The following EPHA8 variants were observed in gnomAD, a reference collection of about 807,000 sequenced individuals.
The protein encoded by EPHA8 is ephrin type-A receptor 8.
Under a neutral mutation model 103.6 loss-of-function variants are expected in EPHA8, and 58 were observed. That is an observed-to-expected ratio of 0.56 (90% CI 0.45 to 0.70). EPHA8 has a LOEUF of 0.70. Ranked by LOEUF, EPHA8 falls within the 30% of genes least tolerant of loss-of-function variation. EPHA8 has a pLI of 0.00. For synonymous variants in EPHA8, 559 were observed against 572.5 expected (o/e 0.98, Z 0.34); for missense variants, 1,304 against 1,395.2 (o/e 0.93, Z 1.04).
At position 22,597,854 on chromosome 1, in the gene EPHA8, C is replaced by T; in HGVS notation, c.2109C>T (p.Val703=). The T allele has an allele frequency of 1.2e-6, 2 of 1,608,684 alleles. No homozygotes were observed. The highest frequency in any genetic ancestry group is 1.7e-6 in the Non-Finnish European group (2 of 1,177,398). ...ACATCATCCGCCTCGAGGGTGTCGT[C>T]ACCCGTGGTAGGTGCCGGGCAAAGA... ...HPNIIRLEGV[V]TRGRLAMIVT... is the part of the protein sequence containing the mutation. Residue 703 remains valine, a synonymous_variant, in exon 11 of 17, where the codon GTC becomes GTT. Coordinates refer to ENST00000166244, the MANE Select transcript of EPHA8 (RefSeq NM_020526.5). This position sits in a 1 kb window ranked among gnomAD's most constrained non-coding sequence, Gnocchi z 4.6.
chr1:22,600,747 C>G lies in EPHA8; in HGVS notation c.2475C>G (p.Gly825=), dbSNP rs111394307. 1.2e-6 allele frequency: 2 copies of G among 1,613,092 alleles called. No homozygotes were observed. The highest frequency in any genetic ancestry group is 3.3e-5 in the Admixed American group (2 of 59,948). The change falls in exon 14 of 17, where the codon GGC becomes GGG. Residue 825 remains glycine, a synonymous_variant. Coordinates refer to ENST00000166244, the MANE Select transcript of EPHA8 (RefSeq NM_020526.5). ...CGGCCAGCGACGTGTGGAGCTTCGG[C>G]GTGGTCATGTGGGAGGTGCTGGCCT... ...FSSASDVWSF[G]VVMWEVLAYG... is the part of the protein sequence containing the mutation.
At chr1:22,581,785 A>G (rs1268886077) in intron 3 of EPHA8, among the ~76,000 whole-genome samples, 1 of 152,274 alleles carries the variant, frequency 6.6e-6, no homozygotes, top group Non-Finnish European at 1.5e-5. Context: ...CAAGATAATT[A>G]CAGGTTTTAT....
chr1:22,569,337 C>A lies in EPHA8; in HGVS notation c.143C>A (p.Thr48Lys), dbSNP rs367682437. The change falls in exon 2 of 17, where the codon ACG becomes AAG. Residue 48 changes from threonine (T) to lysine (K), a missense_variant. Transcript: ENST00000166244. This position sits in a 1 kb window ranked among gnomAD's most constrained non-coding sequence, Gnocchi z 4.5. ...ATCCACGGGGACTGGGGCTGGCTCA[C>A]GTATCCGGCTCATGGGGTGAGTGAT... is the stretch of plus-strand genomic sequence containing the variant. ...STIHGDWGWLTYPAHGWDSIN... is the reference protein window; with the variant it reads ...STIHGDWGWLKYPAHGWDSIN... The A allele has an allele frequency of 1.4e-5, 22 of 1,601,000 alleles. No homozygotes were observed. Among genetic ancestry groups the A allele is most frequent in the Non-Finnish European group, 5.1e-6 (6 of 1,173,952 alleles).
At chr1:22,592,423 G>A (rs1570016275) in intron 5 of EPHA8, among the ~76,000 whole-genome samples, 1 of 152,188 alleles carries the variant, frequency 6.6e-6, no homozygotes, top group East Asian at 1.9e-4. Context: ...CAGCTAGCAA[G>A]AGAGGGAGCC....
rs1009706519 is a variant in EPHA8, at chr1:22,595,264, C to A, written c.1638C>A (p.Ile546=). The change falls in exon 8 of 17, where the codon ATC becomes ATA. Residue 546 remains isoleucine, a synonymous_variant. Coordinates refer to ENST00000166244, the MANE Select transcript of EPHA8 (RefSeq NM_020526.5). ...ATGACACCAGGACCATTGTCTGGAT[C>A]TGCCTGACGCTCATCACGGGCCTGG... ...PRYDTRTIVW[I]CLTLITGLVV... 6 of 1,613,660 alleles carry A rather than the reference C, an allele frequency of 3.7e-6. No homozygotes were observed. Among genetic ancestry groups the A allele is most frequent in the Non-Finnish European group, 5.1e-6 (6 of 1,179,802 alleles).
chr1:22,577,781 CATGTGT>C (rs1233549748), intron 3 of EPHA8, among the ~76,000 whole-genome samples: 1 of 145,384 alleles, frequency 6.9e-6, no homozygotes, highest in Non-Finnish European at 1.5e-5. Context: ...TGTGTGTGTG[CATGTGT>C]GCGTGTGTGC....
Position 22,597,579 on chromosome 1 carries a change from G to A in EPHA8, c.1931-97G>A, listed in dbSNP as rs1429090222. 1 of 1,554,218 alleles carries A rather than the reference G, an allele frequency of 6.4e-7. No individual in the cohort carries two copies. The highest frequency in any genetic ancestry group is 2.3e-5 in the East Asian group (1 of 44,412). On this transcript the variant is annotated intron_variant, in intron 10 of 16. Coordinates refer to ENST00000166244, the MANE Select transcript of EPHA8 (RefSeq NM_020526.5). The surrounding 1 kb of genome is among the most constrained non-coding windows in gnomAD (Gnocchi z 4.6). ...GGCAGAGGGAGCGTGTGACCCAGGGGTCTGGCAAGCCCAGGGGGTCCAAGG... is the reference window on the plus strand; with the variant it reads ...GGCAGAGGGAGCGTGTGACCCAGGGATCTGGCAAGCCCAGGGGGTCCAAGG...
Position 22,601,725 on chromosome 1 carries a change from C to G in EPHA8, c.3002C>G (p.Pro1001Arg), listed in dbSNP as rs1450177211. The G allele has an allele frequency of 6.4e-7, 1 of 1,561,416 alleles. No individual in the cohort carries two copies. Among genetic ancestry groups the G allele is most frequent in the Non-Finnish European group, 8.7e-7 (1 of 1,153,050 alleles). ...GCCCAGCTGACCAGCACCCAGGGGC[C>G]CCGCCGGCACCTCTGATGTACAGCC... ...MRAQLTSTQG[P>R]RRHL Residue 1001 changes from proline (P) to arginine (R), a missense_variant, in exon 17 of 17, where the codon CCC becomes CGC. By Grantham distance (103) the Pro-to-Arg change is moderately radical. Coordinates refer to ENST00000166244, the MANE Select transcript of EPHA8 (RefSeq NM_020526.5).
rs752439322 is a variant in EPHA8 at position 22,576,892 on chromosome 1, A to T, written c.823+12A>T. The stretch of plus-strand genomic sequence containing the variant: ...GGATGCCTGTGTGGGTGAGCGCGCC[A>T]TGGCCTGGGCATGGGTCAGCCGGCA... On this transcript the variant is annotated intron_variant, in intron 3 of 16. Transcript: ENST00000166244. This position sits in a 1 kb window ranked among gnomAD's most constrained non-coding sequence, Gnocchi z 4.8. 2 of 1,568,608 alleles carry T rather than the reference A, an allele frequency of 1.3e-6. No individual in the cohort carries two copies. Among genetic ancestry groups the T allele is most frequent in the South Asian group, 2.4e-5 (2 of 84,154 alleles).
intron 3 of EPHA8, among the ~76,000 whole-genome samples, chr1:22,578,490 ATG>A (rs1361197449): frequency 2.3e-5 from 3 of 132,256 alleles, no homozygotes; most frequent in Admixed American, 7.6e-5. Flanking sequence ...GAGTGTGTGC[ATG>A]TGTGCATGAG....
chr1:22,590,427 C>T (rs1048975901), intron 5 of EPHA8, among the ~76,000 whole-genome samples: 7 of 152,192 alleles, frequency 4.6e-5, no homozygotes, highest in African/African-American at 1.7e-4. Flanking sequence ...GGCGTATCTA[C>T]TTCTTCCTCT....
intron 3 of EPHA8, among the ~76,000 whole-genome samples, chr1:22,579,133 GTGTGTGTGCATA>G (rs1374438084): frequency 2.8e-5 from 4 of 140,570 alleles, no homozygotes; most frequent in Admixed American, 6.8e-5. Flanking sequence ...ATGTGTGCAT[GTGTGTGTGCATA>G]TGTGCAAGAG....
At chr1:22,577,930 CGT>C (rs1640772811) in intron 3 of EPHA8, among the ~76,000 whole-genome samples, 1 of 4,444 alleles carries the variant, frequency 2.3e-4, no homozygotes, top group Non-Finnish European at 4.4e-4. Context: ...TGTATGTGTG[CGT>C]GAGTGTATGT....
Position 22,569,446 on chromosome 1 carries a change from C to T in EPHA8, c.159+93C>T. The T allele has an allele frequency of 2.9e-6, 4 of 1,362,680 alleles. No individual in the cohort carries two copies. The highest frequency in any genetic ancestry group is 4.0e-6 in the Non-Finnish European group (4 of 1,002,410). The allele number at this position is 1,362,680 out of a possible 1,614,324, so 84.4% of individuals were successfully genotyped here. A position where few individuals can be genotyped will look rare whatever the true frequency, so the allele number is the denominator to read the frequency against. The stretch of plus-strand genomic sequence containing the variant: ...CTGCATGAGATAGATCAAAAGGAAG[C>T]AGAGGCCCAGAGAGGTCAAGGGACT... On this transcript the variant is annotated intron_variant, in intron 2 of 16. Transcript: ENST00000166244. This position sits in a 1 kb window ranked among gnomAD's most constrained non-coding sequence, Gnocchi z 4.5.
At chr1:22,566,569 G>A (rs1394921092) in intron 1 of EPHA8, among the ~76,000 whole-genome samples, 1 of 152,202 alleles carries the variant, frequency 6.6e-6, no homozygotes, top group Non-Finnish European at 1.5e-5. Context: ...GAGGCAGAGG[G>A]GTTAAGTGCT....
chr1:22,568,529 T>A (rs967294052), intron 1 of EPHA8, among the ~76,000 whole-genome samples: 1 of 152,192 alleles, frequency 6.6e-6, no homozygotes, highest in African/African-American at 2.4e-5. Context: ...TCCCTGAGGC[T>A]CGGTTCTTTT....
In EPHA8 at chr1:22,586,523, G is replaced by A. The variant is rs140379033; in HGVS notation, c.867G>A (p.Leu289=). ...GFYKSAPGDQ[L]CARCPPHSHS... is the part of the protein sequence containing the mutation. ...ACAAGTCAGCCCCTGGGGACCAGCT[G>A]TGTGCCCGCTGCCCTCCCCACAGCC... The change falls in exon 4 of 17, where the codon CTG becomes CTA. Residue 289 remains leucine, a synonymous_variant. Transcript: ENST00000166244. 17 of 1,613,614 alleles carry A rather than the reference G, an allele frequency of 1.1e-5. No homozygotes were observed. Among genetic ancestry groups the A allele is most frequent in the Non-Finnish European group, 8.5e-7 (1 of 1,179,922 alleles).
Position 22,568,934 on chromosome 1 carries a change from T to G in EPHA8, c.95-355T>G, listed in dbSNP as rs142157784. 1.1e-3 allele frequency among the ~76,000 whole-genome samples: 161 copies of G among 152,302 alleles called. 3 individuals carry two copies. The East Asian group carries it at 0.025, about 24-fold the overall frequency. ...GAGGTGAGGGGGCTTGCCCAGGGACTCACAGCTCCTAAGTGGCACAACTGG... is the reference window on the plus strand; with the variant it reads ...GAGGTGAGGGGGCTTGCCCAGGGACGCACAGCTCCTAAGTGGCACAACTGG... On this transcript the variant is annotated intron_variant, in intron 1 of 16. Transcript: ENST00000166244.
chr1:22,597,294 C>A lies in EPHA8; in HGVS notation c.1766-18C>A. 1 of 1,585,886 alleles carries A rather than the reference C, an allele frequency of 6.3e-7. No individual in the cohort carries two copies. The highest frequency in any genetic ancestry group is 8.6e-7 in the Non-Finnish European group (1 of 1,159,894). On this transcript the variant is annotated intron_variant, in intron 9 of 16. Transcript: ENST00000166244. The surrounding 1 kb of genome is among the most constrained non-coding windows in gnomAD (Gnocchi z 4.6). Reference sequence around the variant, plus strand: ...ATCTCTCCTGGGCCCCACTGAAGGCCCTCCTCCCGCCCCTCAGCACCCCCA... The same window carrying A: ...ATCTCTCCTGGGCCCCACTGAAGGCACTCCTCCCGCCCCTCAGCACCCCCA...
Sources: allele counts gnomAD v4.1 joint callset (sites outside exome capture counted in the v4.1 genomes callset), GRCh38; gene constraint gnomAD v4.1.1; non-coding constraint Gnocchi (gnomAD v3.1); transcripts MANE v1.5; gene names NCBI Gene and HGNC (gene_info 2026-07-23, HGNC 2026-07-21).